ANK3: variants seen among roughly 807,000 people sequenced by gnomAD.
ANK3 encodes ankyrin-3.
Under a neutral mutation model 370.9 loss-of-function variants are expected in ANK3, and 57 were observed. The ratio of observed to expected loss-of-function variants is 0.15; its 90% CI spans 0.12 to 0.19. The LOEUF is 0.19. Ranked by LOEUF, ANK3 falls within the 10% of genes least tolerant of loss-of-function variation. The pLI is 1.00. For synonymous variants in ANK3, 1,929 were observed against 1,946.3 expected, an observed-to-expected ratio of 0.99 and a Z score of 0.23; for missense variants, 4,439 against 5,302.1, an observed-to-expected ratio of 0.84 and a Z score of 5.06.
intron 1 of ANK3, among the ~76,000 whole-genome samples, chr10:60,628,087 C>T (rs903252993): frequency 6.6e-6 from 1 of 152,058 alleles, no homozygotes. Flanking sequence ...AACAATAAAC[C>T]CTTAATTTGC....
At chr10:60,660,452 T>G (rs1357922886) in intron 1 of ANK3, among the ~76,000 whole-genome samples, 3 of 152,196 alleles carry the variant, frequency 2.0e-5, no homozygotes, top group Non-Finnish European at 4.4e-5. Context: ...TAGTTTGTAT[T>G]TATGCATATA....
rs117635305 is a variant in ANK3 at position 60,448,226 on chromosome 10, A to G, written c.96+166960T>C. Among the ~76,000 whole-genome samples the G allele has an allele frequency of 8.7e-3, 1,322 of 152,340 alleles. 9 individuals carry two copies. Among genetic ancestry groups the G allele is most frequent in the South Asian group, 0.031 (151 of 4,824 alleles). ...TACGACTGCAAAATTGGGGAGATTC[A>G]TTATTATTTCTGGGAATCGGCAATC... On this transcript the variant is annotated intron_variant, in intron 2 of 43. Transcript: ENST00000373827.
intron 1 of ANK3, among the ~76,000 whole-genome samples, chr10:60,316,707 G>A (rs1368369273): frequency 6.6e-6 from 1 of 152,078 alleles, no homozygotes; most frequent in Non-Finnish European, 1.5e-5. Flanking sequence ...TATATCGTAA[G>A]TATAGTTTAA....
chr10:60,546,986 G>A (rs2076977794), intron 2 of ANK3, among the ~76,000 whole-genome samples: 1 of 151,938 alleles, frequency 6.6e-6, no homozygotes, highest in East Asian at 1.9e-4. Context: ...TCACACAGCT[G>A]GTAAATGTCA....
chr10:60,691,539 T>C (rs2133403393), intron 1 of ANK3, among the ~76,000 whole-genome samples: 1 of 152,306 alleles, frequency 6.6e-6, no homozygotes. Context: ...TTACTTAAAC[T>C]AACGGCATGT....
intron 28 of ANK3, among the ~76,000 whole-genome samples, chr10:60,091,091 G>T (rs1242101818): frequency 6.6e-6 from 1 of 152,156 alleles, no homozygotes; most frequent in Non-Finnish European, 1.5e-5. Context: ...TTTTAGTAGA[G>T]ACAGGGTTTC....
intron 1 of ANK3, among the ~76,000 whole-genome samples, chr10:60,287,065 A>G (rs950673970): frequency 6.6e-5 from 10 of 151,990 alleles, no homozygotes; most frequent in African/African-American, 2.4e-4. Flanking sequence ...CCATTCTTAT[A>G]CTGGGGGCTC....
chr10:60,098,230 C>G (rs1002908179), intron 28 of ANK3, among the ~76,000 whole-genome samples: 1 of 152,120 alleles, frequency 6.6e-6, no homozygotes, highest in African/African-American at 2.4e-5. Flanking sequence ...TTCGAGGTCA[C>G]ACAGCTTTTG....
rs187042796 is a variant in ANK3 at position 60,549,671 on chromosome 10, A to G, written c.96+65515T>C. ...GATTTTGTTGAGGACTATCAAATTT[A>G]TTACTTCAGGAGGAATGGAAATTAT... is the stretch of plus-strand genomic sequence containing the variant. On this transcript the variant is annotated intron_variant, in intron 2 of 43. Transcript: ENST00000373827. Among the ~76,000 whole-genome samples, 341 of 152,264 alleles carry G rather than the reference A, an allele frequency of 2.2e-3. 12 individuals are homozygous for G. The highest frequency in any genetic ancestry group is 0.021 in the Admixed American group (314 of 15,286).
intron 1 of ANK3, among the ~76,000 whole-genome samples, chr10:60,638,413 C>A (rs2078584478): frequency 6.6e-6 from 1 of 152,040 alleles, no homozygotes; most frequent in African/African-American, 2.4e-5. Context: ...CTGCAAGTAA[C>A]AACTACATAA....
chr10:60,589,614 C>T (rs1028042266), intron 2 of ANK3, among the ~76,000 whole-genome samples: 10 of 152,056 alleles, frequency 6.6e-5, no homozygotes, highest in Non-Finnish European at 8.8e-5. Context: ...AAGAAGAGAG[C>T]GCCTTAATCT....
intron 2 of ANK3, among the ~76,000 whole-genome samples, chr10:60,515,621 C>T (rs933553133): frequency 1.3e-5 from 2 of 152,190 alleles, no homozygotes; most frequent in East Asian, 1.9e-4. Flanking sequence ...AGTTAACCAG[C>T]AGGGTATTTT....
intron 2 of ANK3, among the ~76,000 whole-genome samples, chr10:60,569,406 C>G (rs1228393516): frequency 6.6e-6 from 1 of 152,190 alleles, no homozygotes; most frequent in African/African-American, 2.4e-5. Context: ...CTATTCAAGA[C>G]AAGATATCAA....
intron 1 of ANK3, among the ~76,000 whole-genome samples, chr10:60,686,010 A>T (rs1357268789): frequency 6.6e-6 from 1 of 152,210 alleles, no homozygotes; most frequent in African/African-American, 2.4e-5. Flanking sequence ...TCTCTCCAAA[A>T]TTGATCTATA....
chr10:60,479,824 C>A (rs1266303536), intron 2 of ANK3, among the ~76,000 whole-genome samples: 2 of 152,136 alleles, frequency 1.3e-5, no homozygotes, highest in African/African-American at 4.8e-5. Flanking sequence ...AATTAACCTC[C>A]AGAATTTCAC....
At chr10:60,690,624 T>A (rs528308745) in intron 1 of ANK3, among the ~76,000 whole-genome samples, 1 of 152,190 alleles carries the variant, frequency 6.6e-6, no homozygotes, top group African/African-American at 2.4e-5. Flanking sequence ...AGCTGGTGCT[T>A]CAGCATTTTT....
chr10:60,094,476 T>C, intron 28 of ANK3, among the ~76,000 whole-genome samples: 1 of 152,080 alleles, frequency 6.6e-6, no homozygotes, highest in Admixed American at 6.6e-5. Flanking sequence ...GCATGACCCG[T>C]GAAAACCACG....
intron 1 of ANK3, among the ~76,000 whole-genome samples, chr10:60,291,995 G>A (rs1370064575): frequency 6.6e-6 from 1 of 152,158 alleles, no homozygotes; most frequent in Admixed American, 6.5e-5. Flanking sequence ...TTACAAGTGT[G>A]AGCCACTGTG....
chr10:60,522,462 C>T (rs1478825610), intron 2 of ANK3, among the ~76,000 whole-genome samples: 6 of 151,696 alleles, frequency 4.0e-5, no homozygotes, highest in African/African-American at 1.5e-4. Context: ...TATCCCAGCT[C>T]CTTCCCTATA....
Sources: allele counts gnomAD v4.1 joint callset (sites outside exome capture counted in the v4.1 genomes callset), GRCh38; gene constraint gnomAD v4.1.1; transcripts MANE v1.5; gene names NCBI Gene and HGNC (gene_info 2026-07-23, HGNC 2026-07-21).